Variants in OR5D13 observed in about 807,000 individuals in gnomAD.
OR5D13 encodes olfactory receptor 5D13.
For missense variants in OR5D13, 470 were observed against 372.1 expected, an observed-to-expected ratio of 1.26 and a Z score of -2.16; for synonymous variants, 192 against 134.3, an observed-to-expected ratio of 1.43 and a Z score of -2.97.
In OR5D13 at chr11:55,773,829, C is replaced by A; in HGVS notation, c.392C>A (p.Pro131His). The A allele has an allele frequency of 6.2e-7, 1 of 1,613,788 alleles. No homozygotes were observed. The highest frequency in any genetic ancestry group is 8.5e-7 in the Non-Finnish European group (1 of 1,179,942). Residue 131 changes from proline to histidine, a missense_variant, in exon 1 of 1, where the codon CCC (proline) becomes CAC (histidine). Transcript: ENST00000623930. The part of the protein sequence containing the change: ...AYDRFVAVCK[P>H]LLYTTIMSQK... The stretch of plus-strand genomic sequence containing the variant: ...GACCGTTTTGTGGCAGTTTGTAAAC[C>A]CTTGCTGTATACCACTATTATGTCT...
rs753030831 is a variant in OR5D13 at position 55,773,587 on chromosome 11, C to A, written c.150C>A (p.Ile50=). 4 of 1,613,190 alleles carry A rather than the reference C, an allele frequency of 2.5e-6. No individual in the cohort carries two copies. The highest frequency in any genetic ancestry group is 1.3e-5 in the African/African-American group (1 of 74,836). The change falls in exon 1 of 1, where the codon ATC becomes ATA. Residue 50 remains isoleucine, a synonymous_variant. Transcript: ENST00000623930. ...TGGGGAACTTGGGCATGATAATAAT[C>A]ATCAGACTCAATTCAAAACTCCATA... is the stretch of plus-strand genomic sequence containing the variant. The part of the protein sequence containing the change: ...TVVGNLGMII[I]IRLNSKLHTI...
In OR5D13 at chr11:55,773,773, A is replaced by G; in HGVS notation, c.336A>G (p.Thr112=). ...QFCFACIFGV[T]ETFMLAAMAY... ...GTTTTGCTTGCATTTTTGGAGTGAC[A>G]GAAACTTTCATGTTAGCAGCGATGG... The change falls in exon 1 of 1, where the codon ACA becomes ACG. Residue 112 remains threonine (T), a synonymous_variant. Coordinates refer to ENST00000623930, the MANE Select transcript of OR5D13 (RefSeq NM_001001967.1). 1 of 1,613,914 alleles carries G rather than the reference A, an allele frequency of 6.2e-7. No homozygotes were observed. Among genetic ancestry groups the G allele is most frequent in the East Asian group, 2.2e-5 (1 of 44,864 alleles).
At position 55,773,841 on chromosome 11, in the gene OR5D13, C is replaced by A. The variant is rs1441133944; in HGVS notation, c.404C>A (p.Thr135Asn). The change falls in exon 1 of 1, where the codon ACC becomes AAC. Residue 135 changes from threonine (T) to asparagine (N), a missense_variant. Thr to Asn is a moderately conservative substitution (Grantham distance 65). Transcript: ENST00000623930. ...GCAGTTTGTAAACCCTTGCTGTATA[C>A]CACTATTATGTCTCAGAAGCTCTGT... ...FVAVCKPLLY[T>N]TIMSQKLCAL... 1.2e-6 allele frequency: 2 copies of A among 1,613,876 alleles called. No homozygotes were observed. The highest frequency in any genetic ancestry group is 1.7e-6 in the Non-Finnish European group (2 of 1,179,976).
rs79336371 is a variant in OR5D13 at position 55,773,789 on chromosome 11, G to A, written c.352G>A (p.Ala118Thr). 3.7e-4 allele frequency: 592 copies of A among 1,613,798 alleles called. 4 individuals carry two copies. In the African/African-American group the frequency reaches 7.1e-3, roughly 19 times the overall value. The change falls in exon 1 of 1, where the codon GCA becomes ACA. Residue 118 changes from alanine (A) to threonine (T), a missense_variant. Physicochemically the swap from Ala to Thr is moderately conservative, Grantham distance 58. Coordinates refer to ENST00000623930, the MANE Select transcript of OR5D13 (RefSeq NM_001001967.1). ...TGGAGTGACAGAAACTTTCATGTTA[G>A]CAGCGATGGCTTATGACCGTTTTGT... ...IFGVTETFML[A>T]AMAYDRFVAV...
chr11:55,773,598 A>T lies in OR5D13; in HGVS notation c.161A>T (p.Asn54Ile). Residue 54 changes from asparagine (N) to isoleucine (I), a missense_variant, in exon 1 of 1, where the codon AAT becomes ATT. Physicochemically the swap from Asn to Ile is moderately radical, Grantham distance 149 (BLOSUM62 -3). Transcript: ENST00000623930. ...GGCATGATAATAATCATCAGACTCA[A>T]TTCAAAACTCCATACAATCATGTGC... ...NLGMIIIIRL[N>I]SKLHTIMCFF... 6.2e-7 allele frequency: 1 copy of T among 1,613,458 alleles called. No individual in the cohort carries two copies. Among genetic ancestry groups the T allele is most frequent in the East Asian group, 2.2e-5 (1 of 44,864 alleles).
Position 55,774,307 on chromosome 11 carries a change from G to T in OR5D13, c.870G>T (p.Leu290Phe). Reference protein sequence around the residue: ...YTVAIPMLNPLIYSLRNKDIN... With the variant: ...YTVAIPMLNPFIYSLRNKDIN... ...TGGCGATTCCAATGCTGAACCCATT[G>T]ATCTACAGCCTTAGGAACAAAGATA... Residue 290 changes from leucine (L) to phenylalanine (F), a missense_variant, in exon 1 of 1, where the codon TTG becomes TTT. Coordinates refer to ENST00000623930, the MANE Select transcript of OR5D13 (RefSeq NM_001001967.1). The T allele has an allele frequency of 1.2e-6, 2 of 1,609,558 alleles. No individual in the cohort carries two copies. The highest frequency in any genetic ancestry group is 1.7e-6 in the Non-Finnish European group (2 of 1,178,882).
Position 55,773,671 on chromosome 11 carries a change from A to G in OR5D13, c.234A>G (p.Val78=). 6.2e-7 allele frequency: 1 copy of G among 1,613,224 alleles called. No homozygotes were observed. Among genetic ancestry groups the G allele is most frequent in the Non-Finnish European group, 8.5e-7 (1 of 1,179,448 alleles). The stretch of plus-strand genomic sequence containing the variant: ...TGACAGACTTCTGTTTTTCCACTGT[A>G]GTTACACCTAAACTGTTGGAGAACT... ...LSLTDFCFST[V]VTPKLLENLV... Residue 78 remains valine (V), a synonymous_variant, in exon 1 of 1, where the codon GTA becomes GTG. Coordinates refer to ENST00000623930, the MANE Select transcript of OR5D13 (RefSeq NM_001001967.1).
At position 55,773,835 on chromosome 11, in the gene OR5D13, T is replaced by C; in HGVS notation, c.398T>C (p.Leu133Pro). Residue 133 changes from leucine to proline, a missense_variant, in exon 1 of 1, where the codon CTG (leucine) becomes CCG (proline). Coordinates refer to ENST00000623930, the MANE Select transcript of OR5D13 (RefSeq NM_001001967.1). ...TTTGTGGCAGTTTGTAAACCCTTGC[T>C]GTATACCACTATTATGTCTCAGAAG... is the stretch of plus-strand genomic sequence containing the variant. Reference protein sequence around the residue: ...DRFVAVCKPLLYTTIMSQKLC... With the variant: ...DRFVAVCKPLPYTTIMSQKLC... 6.2e-7 allele frequency: 1 copy of C among 1,613,980 alleles called. No homozygotes were observed. The highest frequency in any genetic ancestry group is 1.1e-5 in the South Asian group (1 of 91,078).
At position 55,774,382 on chromosome 11, in the gene OR5D13, A is replaced by C. The variant is rs1853297886; in HGVS notation, c.945A>C (p.Ter315CysextTer?). ...TTGTCACCAAATTGATTTACCACTGAATATGATGTTCTTAGATACGTTATT... is the reference window on the plus strand; with the variant it reads ...TTGTCACCAAATTGATTTACCACTGCATATGATGTTCTTAGATACGTTATT... ...KLVVTKLIYH* is the reference protein window; with the variant it reads ...KLVVTKLIYHC Residue 315 changes from the stop codon to cysteine (C), a stop_lost, in exon 1 of 1, where the codon TGA becomes TGC. Transcript: ENST00000623930. 6.7e-7 allele frequency: 1 copy of C among 1,497,568 alleles called. No homozygotes were observed. Among genetic ancestry groups the C allele is most frequent in the South Asian group, 1.2e-5 (1 of 80,168 alleles). 92.8% of individuals were successfully genotyped at this position (1,497,568 alleles called of 1,614,324 possible).
In OR5D13 at chr11:55,773,556, C is replaced by T. The variant is rs1269438226; in HGVS notation, c.119C>T (p.Thr40Ile). 3 of 1,612,468 alleles carry T rather than the reference C, an allele frequency of 1.9e-6. No individual in the cohort carries two copies. The highest frequency in any genetic ancestry group is 4.5e-5 in the East Asian group (2 of 44,878). Residue 40 changes from threonine (T) to isoleucine (I), a missense_variant, in exon 1 of 1, where the codon ACT becomes ATT. Coordinates refer to ENST00000623930, the MANE Select transcript of OR5D13 (RefSeq NM_001001967.1). ...FLVFLFVYTVTVVGNLGMIII... is the reference protein window; with the variant it reads ...FLVFLFVYTVIVVGNLGMIII... ...GTTTTCTTGTTCGTCTACACAGTCACTGTAGTGGGGAACTTGGGCATGATA... is the reference window on the plus strand; with the variant it reads ...GTTTTCTTGTTCGTCTACACAGTCATTGTAGTGGGGAACTTGGGCATGATA...
In OR5D13 at chr11:55,773,686, G is replaced by A. The variant is rs1426866236; in HGVS notation, c.249G>A (p.Leu83=). 3.7e-6 allele frequency: 6 copies of A among 1,613,758 alleles called. No individual in the cohort carries two copies. Among genetic ancestry groups the A allele is most frequent in the Non-Finnish European group, 4.2e-6 (5 of 1,179,888 alleles). The change falls in exon 1 of 1, where the codon CTG becomes CTA. Residue 83 remains leucine (L), a synonymous_variant. Transcript: ENST00000623930. ...FCFSTVVTPK[L]LENLVVEYRT... Reference sequence around the variant, plus strand: ...TTTCCACTGTAGTTACACCTAAACTGTTGGAGAACTTGGTTGTGGAATACA... The same window carrying A: ...TTTCCACTGTAGTTACACCTAAACTATTGGAGAACTTGGTTGTGGAATACA...
At position 55,773,563 on chromosome 11, in the gene OR5D13, G is replaced by A; in HGVS notation, c.126G>A (p.Val42=). Residue 42 remains valine, a synonymous_variant, in exon 1 of 1, where the codon GTG becomes GTA. Transcript: ENST00000623930. ...TGTTCGTCTACACAGTCACTGTAGT[G>A]GGGAACTTGGGCATGATAATAATCA... ...VFLFVYTVTV[V]GNLGMIIIIR... is the part of the protein sequence containing the mutation. 6.2e-7 allele frequency: 1 copy of A among 1,612,628 alleles called. No homozygotes were observed. Among genetic ancestry groups the A allele is most frequent in the South Asian group, 1.1e-5 (1 of 91,040 alleles).
rs1853292318 is a variant in OR5D13 at position 55,774,146 on chromosome 11, C to A, written c.709C>A (p.Gln237Lys). ...IMKMRSASGR[Q>K]KTFSTCASHL... is the part of the protein sequence containing the mutation. ...GAAGATGCGATCTGCAAGTGGGCGC[C>A]AGAAAACTTTCTCCACCTGTGCCTC... Residue 237 changes from glutamine to lysine, a missense_variant, in exon 1 of 1, where the codon CAG (glutamine) becomes AAG (lysine). By Grantham distance (53) the Gln-to-Lys change is moderately conservative (BLOSUM62 1). Transcript: ENST00000623930. The A allele has an allele frequency of 1.2e-6, 2 of 1,613,706 alleles. No individual in the cohort carries two copies. The highest frequency in any genetic ancestry group is 1.7e-6 in the Non-Finnish European group (2 of 1,179,940).
chr11:55,774,215 C>T lies in OR5D13; in HGVS notation c.778C>T (p.Leu260Phe). ...TATCTTCCATGGAACTATCCTTTTCCTTTACTGTGTTCCTAATCCTAAAAC... is the reference window on the plus strand; with the variant it reads ...TATCTTCCATGGAACTATCCTTTTCTTTTACTGTGTTCCTAATCCTAAAAC... ...ITIFHGTILFLYCVPNPKTSS... is the reference protein window; with the variant it reads ...ITIFHGTILFFYCVPNPKTSS... The change falls in exon 1 of 1, where the codon CTT becomes TTT. Residue 260 changes from leucine (L) to phenylalanine (F), a missense_variant. Transcript: ENST00000623930. The T allele has an allele frequency of 6.2e-7, 1 of 1,613,888 alleles. No individual in the cohort carries two copies. The highest frequency in any genetic ancestry group is 8.5e-7 in the Non-Finnish European group (1 of 1,179,982).
rs111716242 is a variant in OR5D13 at position 55,773,759 on chromosome 11, A to G, written c.322A>G (p.Ile108Val). Residue 108 changes from isoleucine to valine, a missense_variant, in exon 1 of 1, where the codon ATT becomes GTT. By Grantham distance (29) the Ile-to-Val change is conservative (BLOSUM62 3). Transcript: ENST00000623930. ...GCIMQFCFAC[I>V]FGVTETFMLA... Reference sequence around the variant, plus strand: ...CATCATGCAATTTTGTTTTGCTTGCATTTTTGGAGTGACAGAAACTTTCAT... The same window carrying G: ...CATCATGCAATTTTGTTTTGCTTGCGTTTTTGGAGTGACAGAAACTTTCAT... The G allele has an allele frequency of 6.2e-6, 10 of 1,613,868 alleles. No individual in the cohort carries two copies. Among genetic ancestry groups the G allele is most frequent in the African/African-American group, 5.3e-5 (4 of 74,892 alleles).
chr11:55,774,323 A>C lies in OR5D13; in HGVS notation c.886A>C (p.Asn296His), dbSNP rs1853297019. ...GAACCCATTGATCTACAGCCTTAGG[A>C]ACAAAGATATCAATAACATGTTTGA... ...MLNPLIYSLR[N>H]KDINNMFEKL... Residue 296 changes from asparagine (N) to histidine (H), a missense_variant, in exon 1 of 1, where the codon AAC becomes CAC. Physicochemically the swap from Asn to His is moderately conservative, Grantham distance 68 (BLOSUM62 1). Transcript: ENST00000623930. 1 of 1,598,452 alleles carries C rather than the reference A, an allele frequency of 6.3e-7. No individual in the cohort carries two copies. The highest frequency in any genetic ancestry group is 8.5e-7 in the Non-Finnish European group (1 of 1,176,104).
At position 55,774,131 on chromosome 11, in the gene OR5D13, T is replaced by A. The variant is rs1400406694; in HGVS notation, c.694T>A (p.Ser232Thr). ...TTTCACTACCATTATGAAGATGCGA[T>A]CTGCAAGTGGGCGCCAGAAAACTTT... ...LIFTTIMKMRSASGRQKTFST... is the reference protein window; with the variant it reads ...LIFTTIMKMRTASGRQKTFST... Residue 232 changes from serine to threonine, a missense_variant, in exon 1 of 1, where the codon TCT (serine) becomes ACT (threonine). Transcript: ENST00000623930. 6.2e-7 allele frequency: 1 copy of A among 1,613,830 alleles called. No homozygotes were observed. Among genetic ancestry groups the A allele is most frequent in the South Asian group, 1.1e-5 (1 of 91,080 alleles).
Position 55,774,379 on chromosome 11 carries a change from CTG to C in OR5D13, c.943_944del (p.Ter315delextTer?). The C allele has an allele frequency of 6.6e-7, 1 of 1,515,460 alleles. No homozygotes were observed. The highest frequency in any genetic ancestry group is 8.9e-7 in the Non-Finnish European group (1 of 1,120,164). 93.9% of individuals were successfully genotyped at this position (1,515,460 alleles called of 1,614,324 possible). A position where few individuals can be genotyped will look rare whatever the true frequency, so the allele number is the denominator to read the frequency against. ...TAGTTGTCACCAAATTGATTTACCACTGAATATGATGTTCTTAGATACGTTAT... is the reference window on the plus strand; with the variant it reads ...TAGTTGTCACCAAATTGATTTACCACAATATGATGTTCTTAGATACGTTAT... Reference protein sequence around the residue: ...KLVVTKLIYH* With the variant: ...KLVVTKLIYHX On this transcript the variant is annotated frameshift_variant and stop_lost, in exon 1 of 1. Transcript: ENST00000623930. LOFTEE classifies it high-confidence loss of function.
In OR5D13 at chr11:55,773,605, A is replaced by T; in HGVS notation, c.168A>T (p.Lys56Asn). The T allele has an allele frequency of 6.2e-7, 1 of 1,613,342 alleles. No homozygotes were observed. Among genetic ancestry groups the T allele is most frequent in the Non-Finnish European group, 8.5e-7 (1 of 1,179,704 alleles). Residue 56 changes from lysine to asparagine, a missense_variant, in exon 1 of 1, where the codon AAA becomes AAT. Physicochemically the swap from Lys to Asn is moderately conservative, Grantham distance 94. Coordinates refer to ENST00000623930, the MANE Select transcript of OR5D13 (RefSeq NM_001001967.1). Reference protein sequence around the residue: ...GMIIIIRLNSKLHTIMCFFLS... With the variant: ...GMIIIIRLNSNLHTIMCFFLS... Reference sequence around the variant, plus strand: ...TAATAATCATCAGACTCAATTCAAAACTCCATACAATCATGTGCTTTTTCC... The same window carrying T: ...TAATAATCATCAGACTCAATTCAAATCTCCATACAATCATGTGCTTTTTCC...
Sources: allele counts gnomAD v4.1 joint callset, GRCh38; gene constraint gnomAD v4.1.1; transcripts MANE v1.5; gene names NCBI Gene and HGNC (gene_info 2026-07-23, HGNC 2026-07-21).